TNS1: variants seen among roughly 807,000 people sequenced by gnomAD.
TNS1 encodes tensin-1.
Under a neutral mutation model 168.6 loss-of-function variants are expected in TNS1, and 62 were observed. That is an observed-to-expected ratio of 0.37 (90% CI 0.30 to 0.45). The LOEUF is 0.45. TNS1 is among the 20% of genes least tolerant of loss of function. The probability of loss-of-function intolerance (pLI) is 1.00; values close to 1 mark genes in which losing one functional copy is unlikely to be tolerated. For synonymous variants in TNS1, 934 were observed against 933.2 expected, an observed-to-expected ratio of 1.00 and a Z score of -0.02; for missense variants, 2,240 against 2,339.4, an observed-to-expected ratio of 0.96 and a Z score of 0.88.
chr2:217,939,725 G>C (rs889680488), intron 3 of TNS1, among the ~76,000 whole-genome samples: 5 of 152,162 alleles, frequency 3.3e-5, no homozygotes, highest in African/African-American at 1.2e-4. Flanking sequence ...TGAGCTACAG[G>C]CTTCCAGGCC....
intron 3 of TNS1, among the ~76,000 whole-genome samples, chr2:217,973,940 C>T (rs1257373288): frequency 6.6e-6 from 1 of 152,192 alleles, no homozygotes; most frequent in Non-Finnish European, 1.5e-5. Context: ...TAATGGAATA[C>T]AACATAGCAA....
rs144732702 is a variant in TNS1 at position 217,863,980 on chromosome 2, C to T, written c.1430-14893G>A. Among the ~76,000 whole-genome samples the T allele has an allele frequency of 5.0e-3, 766 of 152,306 alleles. 8 individuals carry two copies. Among genetic ancestry groups the T allele is most frequent in the African/African-American group, 0.017 (719 of 41,564 alleles). The stretch of plus-strand genomic sequence containing the variant: ...GACAGGGCCATCGGAGCAGGACAAG[C>T]TTCAGGCACCCCTGGCAGGGCCTCA... On this transcript the variant is annotated intron_variant, in intron 18 of 32. Coordinates refer to ENST00000682258, the MANE Select transcript of TNS1 (RefSeq NM_001387777.1).
intron 28 of TNS1, 118 bp from the exon 29 acceptor site, chr2:217,810,437 G>A: frequency 1.1e-6 from 1 of 902,026 alleles, no homozygotes; most frequent in Non-Finnish European, 1.8e-6. Context: ...TTTCATACCA[G>A]ACCCTGGCAG....
In TNS1 at chr2:217,813,639, G is replaced by A; in HGVS notation, c.4861+46C>T. On this transcript the variant is annotated intron_variant, in intron 26 of 32. Coordinates refer to ENST00000682258, the MANE Select transcript of TNS1 (RefSeq NM_001387777.1). This position sits in a 1 kb window ranked among gnomAD's most constrained non-coding sequence, Gnocchi z 4.0. ...TCCAGCACCTCCAGGTTTAGCGACT[G>A]TAAAGCTCACCTGGTCCTGAGCCCC... The A allele has an allele frequency of 6.4e-7, 1 of 1,565,456 alleles. No homozygotes were observed. The highest frequency in any genetic ancestry group is 8.7e-7 in the Non-Finnish European group (1 of 1,155,192).
chr2:217,998,219 G>GTCTCTCTCTCTCTCTCTCTCTC (rs1173660793), intron 1 of TNS1, among the ~76,000 whole-genome samples: 1 of 97,070 alleles, frequency 1.0e-5, no homozygotes, highest in African/African-American at 4.3e-5. Flanking sequence ...CTCTCCATCA[G>GTCTCTCTCTCTCTCTCTCTCTC]TGTCTCTCTC....
intron 7 of TNS1, 101 bp from the exon 8 acceptor site, chr2:217,898,070 T>G: frequency 7.4e-7 from 1 of 1,349,134 alleles, no homozygotes; most frequent in Admixed American, 3.0e-5. Flanking sequence ...GACCCCCATA[T>G]GCAGCCCAGG....
intron 17 of TNS1, 86 bp from the exon 18 acceptor site, chr2:217,881,100 C>A: frequency 5.2e-6 from 5 of 960,918 alleles, no homozygotes; most frequent in Non-Finnish European, 8.2e-6. Flanking sequence ...CAGAGAAAGC[C>A]CACAAGCTCC....
At position 217,848,168 on chromosome 2, in the gene TNS1, CT is replaced by C; in HGVS notation, c.2348del (p.Gln783ArgfsTer19). ...GCTGGCGTGGAGGTGGGCGAGGCTG[CT>C]GCTGCTGCTGCTGCTGCTGCTGCCA... Reference protein sequence around the residue: ...NSWQQQQQQQQQPRPPPRQQE... With the variant: ...NSWQQQQQQQXQPRPPPRQQE... On this transcript the variant is annotated frameshift_variant, in exon 19 of 33. Coordinates refer to ENST00000682258, the MANE Select transcript of TNS1 (RefSeq NM_001387777.1). LOFTEE classifies it high-confidence loss of function. 6.3e-7 allele frequency: 1 copy of C among 1,588,432 alleles called. No individual in the cohort carries two copies. Among genetic ancestry groups the C allele is most frequent in the Non-Finnish European group, 8.6e-7 (1 of 1,165,172 alleles).
intron 1 of TNS1, among the ~76,000 whole-genome samples, chr2:218,029,432 A>G (rs924632285): frequency 6.6e-6 from 1 of 152,254 alleles, no homozygotes; most frequent in Non-Finnish European, 1.5e-5. Context: ...ATCTGGCTTC[A>G]TGATCTTCAA....
upstream of TNS1, among the ~76,000 whole-genome samples, chr2:218,004,956 C>T (rs187818386): frequency 3.5e-3 from 530 of 152,346 alleles, 4 homozygotes; most frequent in African/African-American, 0.012. Context: ...CTCTGCAAAC[C>T]CTCCCGTCTC....
intron 1 of TNS1, among the ~76,000 whole-genome samples, chr2:218,029,221 G>A (rs982684454): frequency 4.6e-5 from 6 of 130,096 alleles, no homozygotes; most frequent in Non-Finnish European, 9.3e-5. Context: ...GAGGCACAAG[G>A]CCGGGGGGCA....
At position 217,920,192 on chromosome 2, in the gene TNS1, C is replaced by T. The variant is rs1955574578; in HGVS notation, c.228+3G>A. 1 of 703,022 alleles carries T rather than the reference C, an allele frequency of 1.4e-6. No homozygotes were observed. Among genetic ancestry groups the T allele is most frequent in the Non-Finnish European group, 2.6e-6 (1 of 384,996 alleles). The allele number at this position is 703,022 out of a possible 1,614,324, so 43.5% of individuals were successfully genotyped here. On this transcript the variant is annotated splice_donor_region_variant and intron_variant, in intron 4 of 32. Coordinates refer to ENST00000682258, the MANE Select transcript of TNS1 (RefSeq NM_001387777.1). The stretch of plus-strand genomic sequence containing the variant: ...TGCAGGGCAAGGAAGGGCTGTCACT[C>T]ACCACCAGCTCATGGTTGGATGGAG...
At chr2:217,879,063 G>C (rs948151798) in intron 18 of TNS1, among the ~76,000 whole-genome samples, 1 of 152,246 alleles carries the variant, frequency 6.6e-6, no homozygotes, top group East Asian at 1.9e-4. Flanking sequence ...TGCCGAGAGG[G>C]GGAGCCGCTC....
intron 4 of TNS1, among the ~76,000 whole-genome samples, chr2:217,911,358 T>C (rs1275382495): frequency 6.6e-6 from 1 of 152,064 alleles, no homozygotes; most frequent in East Asian, 1.9e-4. Flanking sequence ...CAAAGCAAGG[T>C]GGGGACTAGG....
intron 3 of TNS1, among the ~76,000 whole-genome samples, chr2:217,971,396 C>T (rs992205700): frequency 6.6e-6 from 1 of 152,260 alleles, no homozygotes; most frequent in Non-Finnish European, 1.5e-5. Context: ...CACTGTTGCG[C>T]ATAGATCATT....
intron 4 of TNS1, among the ~76,000 whole-genome samples, chr2:217,916,221 C>T (rs1432951036): frequency 2.0e-5 from 3 of 152,162 alleles, no homozygotes; most frequent in Non-Finnish European, 4.4e-5. Context: ...TCCTCGGGCT[C>T]CCATGGTGTC....
At chr2:217,833,709 G>A (rs1944783436) in intron 21 of TNS1, among the ~76,000 whole-genome samples, 1 of 152,208 alleles carries the variant, frequency 6.6e-6, no homozygotes, top group African/African-American at 2.4e-5. Flanking sequence ...GCCACACATG[G>A]CCGCAGAGCC....
At chr2:217,909,169 A>G (rs997965175) in intron 4 of TNS1, among the ~76,000 whole-genome samples, 1 of 143,472 alleles carries the variant, frequency 7.0e-6, no homozygotes, top group Non-Finnish European at 1.5e-5. Context: ...CTTCTTTTCC[A>G]GGGGCTCTGT....
chr2:217,862,943 T>C (rs1948920041), intron 18 of TNS1, among the ~76,000 whole-genome samples: 1 of 152,100 alleles, frequency 6.6e-6, no homozygotes, highest in Admixed American at 6.5e-5. Flanking sequence ...CTCCAGACCA[T>C]CCTTCCAGCC....
Sources: allele counts gnomAD v4.1 joint callset (sites outside exome capture counted in the v4.1 genomes callset), GRCh38; gene constraint gnomAD v4.1.1; non-coding constraint Gnocchi (gnomAD v3.1); transcripts MANE v1.5; gene names NCBI Gene and HGNC (gene_info 2026-07-23, HGNC 2026-07-21).